DNAH11: variants seen among roughly 807,000 people sequenced by gnomAD.
DNAH11 encodes the protein dynein axonemal heavy chain 11, also known as axonemal beta dynein heavy chain 11.
DNAH11 carries 442 observed loss-of-function variants against 526.0 expected under a neutral mutation model. That is an observed-to-expected ratio of 0.84 (90% confidence interval 0.78 to 0.91). The LOEUF is 0.91. Ranked by LOEUF, DNAH11 falls within the 40% of genes least tolerant of loss-of-function variation. The pLI is 0.00. For missense variants in DNAH11, 6,989 were observed against 5,448.7 expected (o/e 1.28, Z -8.90); for synonymous variants, 2,461 against 1,935.9 (o/e 1.27, Z -7.12).
intron 65 of DNAH11, among the ~76,000 whole-genome samples, chr7:21,838,437 T>G (rs1403568802): frequency 6.6e-6 from 1 of 152,162 alleles, no homozygotes; most frequent in Non-Finnish European, 1.5e-5. Context: ...AATTCAGTGG[T>G]TTTTAGTATA....
At position 21,748,608 on chromosome 7, in the gene DNAH11, C is replaced by T. The variant is rs1374736886; in HGVS notation, c.8539C>T (p.Pro2847Ser). Reference protein sequence around the residue: ...VCRISRILRTPQGCALLVGVG... With the variant: ...VCRISRILRTSQGCALLVGVG... ...TCGCATCAGCCGGATCTTACGAACC[C>T]CTCAGGGCTGTGCTCTCTTGGTTGG... The change falls in exon 52 of 82, where the codon CCT becomes TCT. Residue 2847 changes from proline (P) to serine (S), a missense_variant. Coordinates refer to ENST00000409508, the MANE Select transcript of DNAH11 (RefSeq NM_001277115.2). The T allele has an allele frequency of 5.0e-6, 8 of 1,607,216 alleles. No individual in the cohort carries two copies. The highest frequency in any genetic ancestry group is 3.3e-5 in the South Asian group (3 of 89,636).
intron 18 of DNAH11, among the ~76,000 whole-genome samples, chr7:21,603,472 C>G (rs1303823462): frequency 6.6e-6 from 1 of 152,174 alleles, no homozygotes; most frequent in Non-Finnish European, 1.5e-5. Flanking sequence ...CTTTTTGAGC[C>G]ATTGCCAAAC....
chr7:21,893,846 G>C (rs1784413133), intron 77 of DNAH11, among the ~76,000 whole-genome samples: 1 of 152,160 alleles, frequency 6.6e-6, no homozygotes, highest in Non-Finnish European at 1.5e-5. Context: ...AGCAGAATTT[G>C]CTTACGCTTA....
At chr7:21,562,729 T>G (rs77567921) in intron 5 of DNAH11, among the ~76,000 whole-genome samples, 9,105 of 152,182 alleles carry the variant, frequency 0.06, 787 homozygotes, top group East Asian at 0.33. Context: ...TACGATTATA[T>G]AATTTTGACA....
At chr7:21,627,954 G>A (rs1274213572) in intron 25 of DNAH11, among the ~76,000 whole-genome samples, 4 of 151,594 alleles carry the variant, frequency 2.6e-5, no homozygotes, top group Admixed American at 2.6e-4. Context: ...TTTTTCATTA[G>A]TGTTTCATAA....
At chr7:21,663,087 A>G (rs768606009) in intron 30 of DNAH11, among the ~76,000 whole-genome samples, 1 of 152,040 alleles carries the variant, frequency 6.6e-6, no homozygotes, top group Non-Finnish European at 1.5e-5. Context: ...ACATTTGTCT[A>G]TGTCTCACTT....
At chr7:21,859,287 T>C (rs1782968146) in intron 68 of DNAH11, among the ~76,000 whole-genome samples, 1 of 152,138 alleles carries the variant, frequency 6.6e-6, no homozygotes. Context: ...CTAAATTTTG[T>C]ATTTTTGGTA....
chr7:21,868,089 C>A, intron 72 of DNAH11, 82 bp downstream of exon 72: 23 of 1,123,808 alleles, frequency 2.0e-5, no homozygotes, highest in South Asian at 3.4e-5. Flanking sequence ...TTTCAGTTCA[C>A]AGTGATCTTA....
chr7:21,711,612 A>C, intron 41 of DNAH11, 100 bp from the exon 42 acceptor site: 1 of 1,485,746 alleles, frequency 6.7e-7, no homozygotes, highest in Non-Finnish European at 9.0e-7. Context: ...GAGAGTGAGC[A>C]CACAGCCTGT....
chr7:21,809,064 A>C (rs1195045875), intron 63 of DNAH11, among the ~76,000 whole-genome samples: 1 of 152,166 alleles, frequency 6.6e-6, no homozygotes, highest in African/African-American at 2.4e-5. Flanking sequence ...CTTTTTGATA[A>C]TAGCCATTCT....
chr7:21,792,338 A>T (rs897652384), intron 61 of DNAH11, among the ~76,000 whole-genome samples: 1 of 152,080 alleles, frequency 6.6e-6, no homozygotes, highest in South Asian at 2.1e-4. Flanking sequence ...GAATTTTTGC[A>T]TCTGTCTTCA....
intron 25 of DNAH11, among the ~76,000 whole-genome samples, chr7:21,623,074 C>G (rs1291429494): frequency 1.3e-5 from 2 of 151,634 alleles, no homozygotes; most frequent in Non-Finnish European, 3.0e-5. Flanking sequence ...ACTCATCTGA[C>G]AAAGGGCTAA....
chr7:21,718,102 A>C (rs1784734271), intron 43 of DNAH11, among the ~76,000 whole-genome samples, 177 bp downstream of exon 43: 1 of 138,970 alleles, frequency 7.2e-6, no homozygotes. Flanking sequence ...CTTTTTGCAA[A>C]CCTCTATCAC....
chr7:21,586,619 T>C (rs1784485417), intron 9 of DNAH11, among the ~76,000 whole-genome samples: 2 of 152,244 alleles, frequency 1.3e-5, no homozygotes, highest in East Asian at 1.9e-4. Context: ...ATTATGAAGC[T>C]GTTTTTTAAG....
chr7:21,555,143 C>T (rs190901066), intron 2 of DNAH11, among the ~76,000 whole-genome samples: 2 of 152,312 alleles, frequency 1.3e-5, no homozygotes, highest in Non-Finnish European at 1.5e-5. Context: ...AGCCCATCTC[C>T]TCTTGTGAGG....
chr7:21,779,346 A>G (rs1787835720), intron 57 of DNAH11, among the ~76,000 whole-genome samples: 1 of 152,196 alleles, frequency 6.6e-6, no homozygotes, highest in Non-Finnish European at 1.5e-5. Context: ...GAGCTCATTC[A>G]AGCATATAAT....
chr7:21,639,049 G>T lies in DNAH11; in HGVS notation c.4928G>T (p.Gly1643Val). ...GATTTACTTGACATTCTCTCAAAAG[G>T]AGCTCAGCCTAAACAGGTAATATTT... is the stretch of plus-strand genomic sequence containing the variant. ...SADLLDILSK[G>V]AQPKQVTCHL... The change falls in exon 28 of 82, where the codon GGA becomes GTA. Residue 1643 changes from glycine (G) to valine (V), a missense_variant. Transcript: ENST00000409508. 6.2e-7 allele frequency: 1 copy of T among 1,613,222 alleles called. No individual in the cohort carries two copies. Among genetic ancestry groups the T allele is most frequent in the Non-Finnish European group, 8.5e-7 (1 of 1,179,558 alleles).
intron 54 of DNAH11, among the ~76,000 whole-genome samples, chr7:21,750,827 C>T (rs765703456): frequency 1.3e-5 from 2 of 152,074 alleles, no homozygotes; most frequent in Non-Finnish European, 2.9e-5. Flanking sequence ...AGGTCAACTG[C>T]ACGGTACGGA....
intron 45 of DNAH11, among the ~76,000 whole-genome samples, chr7:21,727,955 C>T (rs1375930915): frequency 6.6e-6 from 1 of 152,186 alleles, no homozygotes; most frequent in African/African-American, 2.4e-5. Context: ...TCTCTGTGCA[C>T]ATTCATGCTC....
Sources: allele counts gnomAD v4.1 joint callset (sites outside exome capture counted in the v4.1 genomes callset), GRCh38; gene constraint gnomAD v4.1.1; transcripts MANE v1.5; gene names NCBI Gene and HGNC (gene_info 2026-07-23, HGNC 2026-07-21).